FSTL5: variants seen among roughly 807,000 people sequenced by gnomAD.
FSTL5 encodes the protein follistatin like 5.
Under a neutral mutation model 89.1 loss-of-function variants are expected in FSTL5, and 62 were observed. The ratio of observed to expected loss-of-function variants is 0.70; its 90% CI spans 0.57 to 0.86. FSTL5 has a LOEUF of 0.86. FSTL5 is among the 40% of genes least tolerant of loss of function. The pLI is 0.00. For missense variants in FSTL5, 1,057 were observed against 1,001.6 expected (o/e 1.06, Z -0.75); for synonymous variants, 383 against 346.2 (o/e 1.11, Z -1.18).
At chr4:161,683,879 C>A (rs1737612127) in intron 6 of FSTL5, among the ~76,000 whole-genome samples, 1 of 152,160 alleles carries the variant, frequency 6.6e-6, no homozygotes, top group African/African-American at 2.4e-5. Flanking sequence ...AATTTGTGGT[C>A]TTTTATCCCT....
At chr4:162,083,225 C>T (rs1351410257) in intron 2 of FSTL5, among the ~76,000 whole-genome samples, 1 of 151,644 alleles carries the variant, frequency 6.6e-6, no homozygotes, top group African/African-American at 2.4e-5. Context: ...TGGAAACATG[C>T]AGAGAACATA....
At chr4:161,754,482 A>C (rs1740506421) in intron 6 of FSTL5, among the ~76,000 whole-genome samples, 1 of 152,152 alleles carries the variant, frequency 6.6e-6, no homozygotes, top group African/African-American at 2.4e-5. Flanking sequence ...TACAGTTTTA[A>C]AAGTTCATAA....
intron 3 of FSTL5, among the ~76,000 whole-genome samples, chr4:161,965,405 T>C (rs1735294453): frequency 6.6e-6 from 1 of 152,116 alleles, no homozygotes; most frequent in South Asian, 2.1e-4. Flanking sequence ...AGTGAAATTT[T>C]TGCCTGGACT....
At chr4:161,564,258 C>T (rs1007918392) in intron 8 of FSTL5, among the ~76,000 whole-genome samples, 1 of 150,940 alleles carries the variant, frequency 6.6e-6, no homozygotes, top group Non-Finnish European at 1.5e-5. Context: ...TGCAAGTACA[C>T]ACACAAACAT....
At chr4:161,977,620 A>AT (rs1429823273) in intron 3 of FSTL5, among the ~76,000 whole-genome samples, 688 of 55,724 alleles carry the variant, frequency 0.012, 29 homozygotes, top group South Asian at 0.023. Context: ...GTCAAAAAAA[A>AT]AAAAAAAAAA....
intron 2 of FSTL5, among the ~76,000 whole-genome samples, chr4:162,077,012 T>C (rs1392493007): frequency 6.6e-6 from 1 of 151,860 alleles, no homozygotes; most frequent in Non-Finnish European, 1.5e-5. Flanking sequence ...CCACTGCCAG[T>C]AGAATCAGCT....
intron 3 of FSTL5, among the ~76,000 whole-genome samples, chr4:162,005,345 T>G (rs964335859): frequency 2.6e-5 from 4 of 152,166 alleles, no homozygotes; most frequent in Non-Finnish European, 4.4e-5. Flanking sequence ...ATGTTTATTT[T>G]CTCTCTTTCT....
chr4:161,897,408 T>G (rs1733195671), intron 4 of FSTL5, among the ~76,000 whole-genome samples: 1 of 151,192 alleles, frequency 6.6e-6, no homozygotes, highest in Non-Finnish European at 1.5e-5. Flanking sequence ...AAGGGGAGTT[T>G]TTGCTTGATA....
At chr4:162,088,949 C>A (rs1221533490) in intron 2 of FSTL5, among the ~76,000 whole-genome samples, 1 of 152,030 alleles carries the variant, frequency 6.6e-6, no homozygotes. Context: ...GATACTTGAT[C>A]CCCAATGCAT....
At chr4:161,794,404 C>A (rs550858031) in intron 4 of FSTL5, among the ~76,000 whole-genome samples, 1 of 152,144 alleles carries the variant, frequency 6.6e-6, no homozygotes, top group African/African-American at 2.4e-5. Context: ...TCACATTGGC[C>A]TAGTAGATTA....
At chr4:161,411,730 T>C (rs2110938126) in intron 15 of FSTL5, among the ~76,000 whole-genome samples, 1 of 152,222 alleles carries the variant, frequency 6.6e-6, no homozygotes, top group South Asian at 2.1e-4. Context: ...GCCAATATCA[T>C]ACTGAATGGG....
In FSTL5 at chr4:161,947,129, G is replaced by GGT. The variant is rs1022339671; in HGVS notation, c.161-26479_161-26478dup. 8.2e-5 allele frequency among the ~76,000 whole-genome samples: 11 copies of GGT among 133,506 alleles called. No individual in the cohort carries two copies. The South Asian group carries it at 1.9e-3, about 23-fold the overall frequency. 87.6% of individuals were successfully genotyped at this position (133,506 alleles called of 152,430 possible). A position where few individuals can be genotyped will look rare whatever the true frequency, so the allele number is the denominator to read the frequency against. The stretch of plus-strand genomic sequence containing the variant: ...ATAGACATTTGGCAGATATTTGTGG[G>GGT]GTGTGTGTGTGTATGTGTGTGTGTG... On this transcript the variant is annotated intron_variant, in intron 3 of 15. Transcript: ENST00000306100.
intron 4 of FSTL5, among the ~76,000 whole-genome samples, chr4:161,788,210 G>T (rs753888186): frequency 6.6e-6 from 1 of 152,000 alleles, no homozygotes; most frequent in Non-Finnish European, 1.5e-5. Context: ...ATCAAATTAG[G>T]GTAAGTAGTA....
intron 4 of FSTL5, among the ~76,000 whole-genome samples, chr4:161,883,681 T>A (rs1390821482): frequency 6.6e-6 from 1 of 152,178 alleles, no homozygotes; most frequent in East Asian, 1.9e-4. Flanking sequence ...TAAACTGATA[T>A]AAAAATTAAT....
At chr4:161,758,341 T>A (rs1004041569) in intron 6 of FSTL5, among the ~76,000 whole-genome samples, 2 of 152,048 alleles carry the variant, frequency 1.3e-5, no homozygotes, top group African/African-American at 4.8e-5. Flanking sequence ...GAAAAAAAAA[T>A]GGAAATTTTG....
At position 161,993,537 on chromosome 4, in the gene FSTL5, T is replaced by C. The variant is rs556843711; in HGVS notation, c.160+40088A>G. Among the ~76,000 whole-genome samples, 22 of 152,268 alleles carry C rather than the reference T, an allele frequency of 1.4e-4. No homozygotes were observed. In the South Asian group the frequency reaches 1.7e-3, roughly 11 times the overall value. ...GATATGTGATAATTGTATATATTTA[T>C]AGGGTACATGTTGTATTTTGATATA... On this transcript the variant is annotated intron_variant, in intron 3 of 15. Transcript: ENST00000306100.
At chr4:161,746,865 G>A (rs528935056) in intron 6 of FSTL5, among the ~76,000 whole-genome samples, 452 of 151,882 alleles carry the variant, frequency 3.0e-3, no homozygotes, top group Non-Finnish European at 5.0e-3. Context: ...GTCTCCCCCA[G>A]TCCCCCAAAT....
At chr4:161,476,388 T>C (rs1240656762) in intron 13 of FSTL5, among the ~76,000 whole-genome samples, 1 of 152,030 alleles carries the variant, frequency 6.6e-6, no homozygotes, top group Non-Finnish European at 1.5e-5. Context: ...GGTTTCTCCA[T>C]GTTGGTTAGG....
chr4:162,144,257 GA>G (rs1732883667), intron 1 of FSTL5, among the ~76,000 whole-genome samples: 1 of 152,134 alleles, frequency 6.6e-6, no homozygotes, highest in Non-Finnish European at 1.5e-5. Context: ...ACACATCAGT[GA>G]TTTATATAGC....
Sources: gnomAD v4.1 joint callset for allele counts (sites outside exome capture counted in the v4.1 genomes callset) on GRCh38, gnomAD v4.1.1 for gene constraint, MANE v1.5 for transcripts, NCBI Gene and HGNC (gene_info 2026-07-23, HGNC 2026-07-21) for gene names.